The following CTNNA3 variants were observed in gnomAD, a reference collection of about 807,000 sequenced individuals.
The protein encoded by CTNNA3 is catenin alpha-3.
A neutral mutation model predicts 95.7 loss-of-function variants in CTNNA3; 76 were observed. The ratio of observed to expected loss-of-function variants is 0.79; its 90% CI spans 0.66 to 0.96. The LOEUF (loss-of-function observed/expected upper bound fraction) is 0.96, where lower values mean the gene tolerates loss of function less well. CTNNA3 is among the 40% of genes least tolerant of loss of function. The probability of loss-of-function intolerance (pLI) is 0.00; values close to 1 mark genes in which losing one functional copy is unlikely to be tolerated. For missense variants in CTNNA3, 1,191 were observed against 1,089.8 expected (o/e 1.09, Z -1.31); for synonymous variants, 431 against 374.4 (o/e 1.15, Z -1.74).
At chr10:66,312,992 T>C (rs2092045087) in intron 12 of CTNNA3, among the ~76,000 whole-genome samples, 2 of 152,108 alleles carry the variant, frequency 1.3e-5, no homozygotes, top group Non-Finnish European at 2.9e-5. Flanking sequence ...CATGATAAAC[T>C]TTAAAATGAA....
chr10:65,986,771 A>G (rs2078436163), intron 16 of CTNNA3, among the ~76,000 whole-genome samples: 2 of 151,804 alleles, frequency 1.3e-5, no homozygotes, highest in Admixed American at 1.3e-4. Flanking sequence ...TGAGAAAAAC[A>G]GCAAAGCTGG....
At chr10:66,784,663 T>G (rs1229465610) in intron 7 of CTNNA3, among the ~76,000 whole-genome samples, 1 of 152,230 alleles carries the variant, frequency 6.6e-6, no homozygotes. Context: ...ATTCCTCATT[T>G]CTGTGCCAGA....
At chr10:66,744,563 A>G (rs1398578614) in intron 9 of CTNNA3, among the ~76,000 whole-genome samples, 9 of 152,322 alleles carry the variant, frequency 5.9e-5, no homozygotes, top group East Asian at 3.9e-4. Flanking sequence ...TCTAGACAGT[A>G]TCTAATGATC....
chr10:66,287,723 A>G (rs572947376), intron 12 of CTNNA3, among the ~76,000 whole-genome samples: 5 of 152,294 alleles, frequency 3.3e-5, no homozygotes, highest in African/African-American at 1.2e-4. Context: ...TTTAAACTTG[A>G]AATTCAATAT....
At chr10:67,677,881 T>C (rs1460076551) in intron 1 of CTNNA3, among the ~76,000 whole-genome samples, 1 of 152,178 alleles carries the variant, frequency 6.6e-6, no homozygotes, top group Non-Finnish European at 1.5e-5. Context: ...TCAGATTATC[T>C]AGGGTTAAAT....
At chr10:66,887,105 A>G (rs1255981548) in intron 7 of CTNNA3, among the ~76,000 whole-genome samples, 2 of 152,162 alleles carry the variant, frequency 1.3e-5, no homozygotes, top group Non-Finnish European at 2.9e-5. Context: ...GTTTCATCAC[A>G]CCAGGAGAGC....
At chr10:67,532,116 C>T (rs1379605199) in intron 4 of CTNNA3, among the ~76,000 whole-genome samples, 1 of 152,140 alleles carries the variant, frequency 6.6e-6, no homozygotes, top group Non-Finnish European at 1.5e-5. Flanking sequence ...ATGTCTTTAT[C>T]AGCAGAGTGA....
intron 9 of CTNNA3, among the ~76,000 whole-genome samples, chr10:66,659,181 AACACACACACACACACAC>A (rs10565151): frequency 6.9e-6 from 1 of 145,574 alleles, no homozygotes; most frequent in African/African-American, 2.5e-5. Context: ...TAATTAAGAA[AACACACACACACACACAC>A]ACACACACAC....
At chr10:67,535,190 C>T (rs1467829237) in intron 4 of CTNNA3, among the ~76,000 whole-genome samples, 32 of 152,032 alleles carry the variant, frequency 2.1e-4, no homozygotes, top group Middle Eastern at 3.2e-3. Context: ...AATAAAGAAG[C>T]ATGGTTTATA....
chr10:66,305,854 C>T (rs537241583), intron 12 of CTNNA3, among the ~76,000 whole-genome samples: 3 of 152,314 alleles, frequency 2.0e-5, no homozygotes, highest in Admixed American at 1.3e-4. Flanking sequence ...CAAATTCTCT[C>T]TCTCTTATCC....
chr10:66,584,899 C>T (rs564337771), intron 10 of CTNNA3, among the ~76,000 whole-genome samples: 1 of 152,156 alleles, frequency 6.6e-6, no homozygotes, highest in Non-Finnish European at 1.5e-5. Context: ...AATTCCTTCA[C>T]CATTTACTTG....
chr10:66,576,619 A>G lies in CTNNA3; in HGVS notation c.1374+45073T>C, dbSNP rs527965284. ...TTCCTGCACTAGTTTGCTTAGGATA[A>G]TGACCTCCAGCTACATTTCATGTTG... On this transcript the variant is annotated intron_variant, in intron 10 of 17. Transcript: ENST00000433211. 8.5e-5 allele frequency among the ~76,000 whole-genome samples: 13 copies of G among 152,182 alleles called. No homozygotes were observed. In the East Asian group the frequency reaches 1.9e-3, roughly 23 times the overall value.
At chr10:66,056,773 T>G (rs955901900) in intron 15 of CTNNA3, among the ~76,000 whole-genome samples, 1 of 152,182 alleles carries the variant, frequency 6.6e-6, no homozygotes, top group Admixed American at 6.5e-5. Flanking sequence ...GGTTAGGAAC[T>G]CCTCCATTTC....
intron 13 of CTNNA3, among the ~76,000 whole-genome samples, chr10:66,227,993 T>C (rs2089403435): frequency 1.3e-5 from 2 of 152,150 alleles, no homozygotes; most frequent in Admixed American, 6.5e-5. Flanking sequence ...TGATCCTTTA[T>C]ATTTCCGTGG....
At chr10:66,800,113 A>G (rs1841373041) in intron 7 of CTNNA3, among the ~76,000 whole-genome samples, 1 of 151,388 alleles carries the variant, frequency 6.6e-6, no homozygotes, top group Non-Finnish European at 1.5e-5. Flanking sequence ...GATGGTATAC[A>G]GCACAATTTG....
At chr10:66,556,898 A>C (rs1197955997) in intron 10 of CTNNA3, among the ~76,000 whole-genome samples, 1 of 152,122 alleles carries the variant, frequency 6.6e-6, no homozygotes, top group Non-Finnish European at 1.5e-5. Context: ...AATGGTAACT[A>C]TCTGAAGAGA....
intron 15 of CTNNA3, among the ~76,000 whole-genome samples, chr10:66,061,552 C>T (rs980226092): frequency 3.3e-5 from 5 of 152,074 alleles, no homozygotes; most frequent in African/African-American, 1.2e-4. Context: ...CATAATCCTT[C>T]AGTTGTTACG....
At chr10:67,261,924 G>GT (rs1866627835) in intron 5 of CTNNA3, among the ~76,000 whole-genome samples, 1 of 152,088 alleles carries the variant, frequency 6.6e-6, no homozygotes, top group South Asian at 2.1e-4. Flanking sequence ...AGTTGGATAT[G>GT]TTTTTTAAAA....
chr10:66,260,538 A>T (rs2090959065), intron 13 of CTNNA3, among the ~76,000 whole-genome samples: 1 of 152,100 alleles, frequency 6.6e-6, no homozygotes, highest in African/African-American at 2.4e-5. Flanking sequence ...GCCATTTGTC[A>T]GTTGATTTTT....
Sources: allele counts gnomAD v4.1 joint callset (sites outside exome capture counted in the v4.1 genomes callset), GRCh38; gene constraint gnomAD v4.1.1; transcripts MANE v1.5; gene names NCBI Gene and HGNC (gene_info 2026-07-23, HGNC 2026-07-21).